The following GARS1 variants were observed in gnomAD, a reference collection of about 807,000 sequenced individuals.
The protein encoded by GARS1 is glycine--tRNA ligase.
GARS1 carries 46 observed loss-of-function variants against 86.4 expected under a neutral mutation model. The observed-to-expected ratio is 0.53, with a 90% CI of 0.42 to 0.68. The LOEUF (loss-of-function observed/expected upper bound fraction) is 0.68, where lower values mean the gene tolerates loss of function less well. Ranked by LOEUF, GARS1 falls within the 30% of genes least tolerant of loss-of-function variation. GARS1 has a pLI of 0.00. For missense variants in GARS1, 797 were observed against 915.6 expected (o/e 0.87, Z 1.67); for synonymous variants, 342 against 329.8 (o/e 1.04, Z -0.40).
upstream of GARS1, chr7:30,594,737 C>T: frequency 1.7e-6 from 1 of 602,144 alleles, no homozygotes; most frequent in Non-Finnish European, 2.9e-6. Flanking sequence ...AGAAAACCTT[C>T]GGCGGGGTCC....
At chr7:30,599,529 A>G (rs1387303533) in intron 2 of GARS1, among the ~76,000 whole-genome samples, 1 of 152,080 alleles carries the variant, frequency 6.6e-6, no homozygotes, top group East Asian at 1.9e-4. Context: ...CAGCCTCCCA[A>G]GTAGCTGGGA....
chr7:30,622,368 G>T lies in GARS1; in HGVS notation c.1519G>T (p.Ala507Ser). ...ACCCAGTAAGGGAGCAATTGGTAAG[G>T]CATATAAGAAGGATGCAAAACTGGT... ...FEPSKGAIGK[A>S]YKKDAKLVME... Residue 507 changes from alanine to serine, a missense_variant, in exon 12 of 17, where the codon GCA becomes TCA. Ala to Ser is a moderately conservative substitution (Grantham distance 99). This residue lies in a region of GARS1 where 598 missense variants were observed against 738.7 expected (regional missense o/e 0.81). Transcript: ENST00000389266. 1 of 1,614,106 alleles carries T rather than the reference G, an allele frequency of 6.2e-7. No homozygotes were observed. The highest frequency in any genetic ancestry group is 8.5e-7 in the Non-Finnish European group (1 of 1,179,990).
At position 30,598,816 on chromosome 7, in the gene GARS1, CAAA is replaced by C; in HGVS notation, c.244_246del (p.Lys82del). The stretch of plus-strand genomic sequence containing the variant: ...GCTAGGGAGATCTTGTGCGAAAACT[CAAA>C]GAAGATAAAGCACCCCAAGTAGACG... On this transcript the variant is annotated inframe_deletion, in exon 2 of 17. Coordinates refer to ENST00000389266, the MANE Select transcript of GARS1 (RefSeq NM_002047.4). 6.2e-7 allele frequency: 1 copy of C among 1,613,980 alleles called. No individual in the cohort carries two copies. Among genetic ancestry groups the C allele is most frequent in the African/African-American group, 1.3e-5 (1 of 75,008 alleles).
At chr7:30,601,936 G>A (rs566618163) in intron 4 of GARS1, among the ~76,000 whole-genome samples, 27 of 151,180 alleles carry the variant, frequency 1.8e-4, no homozygotes, top group African/African-American at 6.1e-4. Context: ...CCACCACCAC[G>A]TCTGGCTAAT....
chr7:30,626,651 C>T (rs1328707563), intron 13 of GARS1, among the ~76,000 whole-genome samples: 1 of 152,226 alleles, frequency 6.6e-6, no homozygotes, highest in Non-Finnish European at 1.5e-5. Flanking sequence ...ACGCCTGGCC[C>T]TCATTCCCTG....
intron 13 of GARS1, among the ~76,000 whole-genome samples, chr7:30,627,600 T>C (rs1452518567): frequency 3.3e-5 from 5 of 152,214 alleles, no homozygotes; most frequent in Admixed American, 3.3e-4. Context: ...GTATATTTCC[T>C]GTGTATACCA....
Position 30,626,312 on chromosome 7 carries a change from A to G in GARS1, c.1692A>G (p.Thr564=). Residue 564 remains threonine, a synonymous_variant, in exon 13 of 17, where the codon ACA becomes ACG. Transcript: ENST00000389266. Reference sequence around the variant, plus strand: ...TCAATGTGAAGAGATTCCAGAAAACACTATATGGTAAATTTGTAAAAATAA... The same window carrying G: ...TCAATGTGAAGAGATTCCAGAAAACGCTATATGGTAAATTTGTAAAAATAA... The part of the protein sequence containing the change: ...DMINVKRFQK[T]LYVEEVVPNV... The G allele has an allele frequency of 6.4e-7, 1 of 1,558,164 alleles. No individual in the cohort carries two copies. The highest frequency in any genetic ancestry group is 2.2e-5 in the East Asian group (1 of 44,610).
intron 1 of GARS1, among the ~76,000 whole-genome samples, chr7:30,597,223 G>A (rs758000): frequency 0.19 from 29,429 of 152,076 alleles, 3,648 homozygotes; most frequent in African/African-American, 0.35. Context: ...CAGTGAACCA[G>A]TGTTTTCCAG....
chr7:30,613,271 C>G (rs148562946), intron 8 of GARS1, among the ~76,000 whole-genome samples: 2 of 152,296 alleles, frequency 1.3e-5, no homozygotes, highest in Non-Finnish European at 2.9e-5. Context: ...ATGTGCCCAA[C>G]TTAGAGAAAG....
intron 14 of GARS1, among the ~76,000 whole-genome samples, chr7:30,628,879 T>G (rs1783183074): frequency 6.6e-6 from 1 of 152,248 alleles, no homozygotes. Context: ...TAGAAGCTAT[T>G]GTTTTAGTTG....
intron 15 of GARS1, chr7:30,631,922 G>A: frequency 2.5e-6 from 1 of 401,058 alleles, no homozygotes; most frequent in Non-Finnish European, 4.7e-6. Context: ...ACTTATTTCA[G>A]AGCTGGGAAA....
chr7:30,604,100 A>G (rs540102389), intron 6 of GARS1, among the ~76,000 whole-genome samples: 6 of 152,202 alleles, frequency 3.9e-5, no homozygotes, highest in Non-Finnish European at 8.8e-5. Context: ...AAGACAAAAA[A>G]GAGACCACAG....
chr7:30,598,678 T>G (rs1432896299), intron 1 of GARS1, 118 bp from the exon 2 acceptor site: 3 of 811,370 alleles, frequency 3.7e-6, no homozygotes, highest in Non-Finnish European at 6.3e-6. Flanking sequence ...GCCACCACGC[T>G]TGGCCTGAAT....
chr7:30,630,746 G>A (rs541768988), intron 14 of GARS1, among the ~76,000 whole-genome samples: 2 of 152,158 alleles, frequency 1.3e-5, no homozygotes, highest in South Asian at 4.1e-4. Flanking sequence ...CTGGGGTCAA[G>A]CAATTCTTCT....
At chr7:30,598,741 A>G in intron 1 of GARS1, 55 bp from the exon 2 acceptor site, 3 of 1,441,856 alleles carry the variant, frequency 2.1e-6, no homozygotes, top group South Asian at 2.3e-5. Context: ...ACACATTCCT[A>G]ACATTTCTTA....
intron 7 of GARS1, among the ~76,000 whole-genome samples, chr7:30,610,002 G>A (rs899908535): frequency 5.6e-4 from 85 of 152,258 alleles, no homozygotes; most frequent in African/African-American, 2.0e-3. Flanking sequence ...TAGGGTAGAA[G>A]GGACAGTTGA....
rs565704148 is a variant in GARS1 at position 30,630,081 on chromosome 7, G to A, written c.1810-1367G>A. Among the ~76,000 whole-genome samples the A allele has an allele frequency of 2.1e-4, 32 of 152,288 alleles. 1 individual carries two copies. Among genetic ancestry groups the A allele is most frequent in the Middle Eastern group, 6.8e-3 (2 of 294 alleles). ...GATTAGGCTGTGGGAAGCCAAAAAT[G>A]TTTCTAAATTATTAGCACCTAGTTC... On this transcript the variant is annotated intron_variant, in intron 14 of 16. Coordinates refer to ENST00000389266, the MANE Select transcript of GARS1 (RefSeq NM_002047.4).
intron 1 of GARS1, among the ~76,000 whole-genome samples, chr7:30,598,270 G>T (rs2128132331): frequency 6.6e-6 from 1 of 151,074 alleles, no homozygotes; most frequent in Admixed American, 6.6e-5. Context: ...CATGTGAGCA[G>T]TTATTTGTTA....
chr7:30,594,921 C>A lies in GARS1; in HGVS notation c.-1C>A, dbSNP rs1257498883. 2.5e-6 allele frequency: 4 copies of A among 1,579,946 alleles called. No homozygotes were observed. Among genetic ancestry groups the A allele is most frequent in the Non-Finnish European group, 3.4e-6 (4 of 1,170,508 alleles). ...TCTGGACAGCCCAGGGCCGCAGGCTCATGCCCTCTCCGCGTCCAGTGCTGC... is the reference window on the plus strand; with the variant it reads ...TCTGGACAGCCCAGGGCCGCAGGCTAATGCCCTCTCCGCGTCCAGTGCTGC... On this transcript the variant is annotated 5_prime_UTR_variant, in exon 1 of 17. Coordinates refer to ENST00000389266, the MANE Select transcript of GARS1 (RefSeq NM_002047.4).
Sources: allele counts gnomAD v4.1 joint callset (sites outside exome capture counted in the v4.1 genomes callset), GRCh38; gene constraint gnomAD v4.1.1; regional missense constraint gnomAD v4.1.1; transcripts MANE v1.5; gene names NCBI Gene and HGNC (gene_info 2026-07-23, HGNC 2026-07-21).